The following TRPC7 variants were observed in gnomAD, a reference collection of about 807,000 sequenced individuals.
The protein encoded by TRPC7 is transient receptor potential cation channel subfamily C member 7.
Under a neutral mutation model 90.1 loss-of-function variants are expected in TRPC7, and 42 were observed. The ratio of observed to expected loss-of-function variants is 0.47; its 90% confidence interval spans 0.36 to 0.60. The LOEUF is 0.60. TRPC7 is among the 20% of genes least tolerant of loss of function. The pLI is 0.00. For missense variants in TRPC7, 955 were observed against 1,112.3 expected (o/e 0.86, Z 2.01); for synonymous variants, 451 against 436.3 (o/e 1.03, Z -0.42).
chr5:136,298,151 G>A (rs1395675337), intron 3 of TRPC7, among the ~76,000 whole-genome samples: 1 of 152,216 alleles, frequency 6.6e-6, no homozygotes, highest in Non-Finnish European at 1.5e-5. Context: ...GCTGATGAGG[G>A]AGGGAGCAAT....
At chr5:136,233,604 G>C (rs746874661) in intron 7 of TRPC7, among the ~76,000 whole-genome samples, 14 of 152,202 alleles carry the variant, frequency 9.2e-5, no homozygotes, top group Admixed American at 4.6e-4. Flanking sequence ...CTGGAGAACA[G>C]TGTCTGAAGG....
chr5:136,287,048 C>T (rs1412418700), intron 3 of TRPC7, among the ~76,000 whole-genome samples: 1 of 152,184 alleles, frequency 6.6e-6, no homozygotes, highest in Non-Finnish European at 1.5e-5. Context: ...TTCCCTTTGA[C>T]AGCACTGTAG....
At chr5:136,259,416 C>T (rs1319549551) in intron 5 of TRPC7, among the ~76,000 whole-genome samples, 1 of 152,176 alleles carries the variant, frequency 6.6e-6, no homozygotes, top group African/African-American at 2.4e-5. Flanking sequence ...GAGGCAAAGC[C>T]ACCAAAGAGA....
At chr5:136,329,548 A>G (rs1307618675) in intron 2 of TRPC7, among the ~76,000 whole-genome samples, 2 of 152,152 alleles carry the variant, frequency 1.3e-5, no homozygotes, top group Non-Finnish European at 2.9e-5. Context: ...GTAAACAGGT[A>G]TGAGGAGAGG....
intron 3 of TRPC7, among the ~76,000 whole-genome samples, chr5:136,305,591 C>T (rs1481246922): frequency 1.3e-5 from 2 of 152,110 alleles, no homozygotes; most frequent in African/African-American, 4.8e-5. Flanking sequence ...TCTAAATAGA[C>T]ACTTTCACTG....
chr5:136,220,997 C>G (rs1403478924), intron 10 of TRPC7, among the ~76,000 whole-genome samples: 2 of 149,504 alleles, frequency 1.3e-5, no homozygotes, highest in Non-Finnish European at 1.5e-5. Context: ...TATTTCTATT[C>G]TAGAAATAGA....
At chr5:136,299,340 CGTGTGTGTGT>C (rs529330866) in intron 3 of TRPC7, among the ~76,000 whole-genome samples, 51 of 122,724 alleles carry the variant, frequency 4.2e-4, no homozygotes, top group Middle Eastern at 4.0e-3. Flanking sequence ...GGGGTGTGTG[CGTGTGTGTGT>C]GTGTGTGTGT....
intron 2 of TRPC7, among the ~76,000 whole-genome samples, chr5:136,349,794 T>C (rs968518295): frequency 1.3e-5 from 2 of 152,204 alleles, no homozygotes; most frequent in Non-Finnish European, 2.9e-5. Context: ...AAGTTACAAC[T>C]GAAGTACAGT....
chr5:136,275,047 T>C (rs536972840), intron 3 of TRPC7, among the ~76,000 whole-genome samples: 1 of 152,282 alleles, frequency 6.6e-6, no homozygotes, highest in Admixed American at 6.5e-5. Context: ...GCCAGAGTCC[T>C]TGCAAGACTG....
intron 3 of TRPC7, among the ~76,000 whole-genome samples, chr5:136,302,721 A>G (rs889845017): frequency 6.6e-6 from 1 of 152,228 alleles, no homozygotes; most frequent in African/African-American, 2.4e-5. Flanking sequence ...AATAGCTGGA[A>G]AATGGCACTT....
At chr5:136,294,912 G>A (rs1204779887) in intron 3 of TRPC7, among the ~76,000 whole-genome samples, 1 of 152,194 alleles carries the variant, frequency 6.6e-6, no homozygotes, top group East Asian at 1.9e-4. Flanking sequence ...ATGATAGACT[G>A]GATTAAGAAA....
At chr5:136,326,821 A>G (rs1238038526) in intron 2 of TRPC7, among the ~76,000 whole-genome samples, 1 of 152,176 alleles carries the variant, frequency 6.6e-6, no homozygotes, top group East Asian at 1.9e-4. Context: ...TGAGGGAGTG[A>G]TCACAGTGAC....
At chr5:136,326,565 A>C (rs550484115) in intron 2 of TRPC7, among the ~76,000 whole-genome samples, 2 of 152,202 alleles carry the variant, frequency 1.3e-5, no homozygotes, top group African/African-American at 4.8e-5. Context: ...AATAGCTTTT[A>C]GGAGAAGATG....
intron 11 of TRPC7, among the ~76,000 whole-genome samples, chr5:136,214,777 A>C (rs1755207062): frequency 6.6e-6 from 1 of 152,152 alleles, no homozygotes. Context: ...AGGGTCACCC[A>C]ATGACCAGGC....
intron 2 of TRPC7, among the ~76,000 whole-genome samples, chr5:136,322,345 T>C (rs1284019403): frequency 1.3e-5 from 2 of 152,190 alleles, no homozygotes; most frequent in Non-Finnish European, 2.9e-5. Context: ...TGTGTGAACA[T>C]AAGTTTTTTA....
At chr5:136,294,564 A>G (rs1314700804) in intron 3 of TRPC7, among the ~76,000 whole-genome samples, 4 of 152,220 alleles carry the variant, frequency 2.6e-5, no homozygotes, top group African/African-American at 7.2e-5. Flanking sequence ...GGCCATCAGA[A>G]AAATGCAAAT....
At chr5:136,326,197 A>G (rs1476969810) in intron 2 of TRPC7, among the ~76,000 whole-genome samples, 1 of 152,206 alleles carries the variant, frequency 6.6e-6, no homozygotes, top group Non-Finnish European at 1.5e-5. Flanking sequence ...TGCTGCTTTC[A>G]CTGCTTCATT....
chr5:136,353,987 A>G (rs945299711), intron 2 of TRPC7, among the ~76,000 whole-genome samples: 29 of 152,212 alleles, frequency 1.9e-4, no homozygotes, highest in African/African-American at 7.0e-4. Context: ...TCCAAATGTT[A>G]GTTTAGTATC....
intron 3 of TRPC7, among the ~76,000 whole-genome samples, chr5:136,286,687 T>G (rs1757730290): frequency 1.3e-5 from 2 of 152,222 alleles, no homozygotes; most frequent in African/African-American, 4.8e-5. Flanking sequence ...TGATTGATTC[T>G]TTTCCAAACC....
Sources: gnomAD v4.1 joint callset for allele counts (sites outside exome capture counted in the v4.1 genomes callset) on GRCh38, gnomAD v4.1.1 for gene constraint, MANE v1.5 for transcripts, NCBI Gene and HGNC (gene_info 2026-07-23, HGNC 2026-07-21) for gene names.